Variants in RABGAP1L observed in about 807,000 individuals in gnomAD.
RABGAP1L encodes rab GTPase-activating protein 1-like.
Under a neutral mutation model 137.7 loss-of-function variants are expected in RABGAP1L, and 63 were observed. The observed-to-expected ratio is 0.46, with a 90% CI of 0.37 to 0.56. The LOEUF (loss-of-function observed/expected upper bound fraction) is 0.56, where lower values mean the gene tolerates loss of function less well. Ranked by LOEUF, RABGAP1L falls within the 20% of genes least tolerant of loss-of-function variation. RABGAP1L has a pLI of 0.00. For synonymous variants in RABGAP1L, 431 were observed against 433.7 expected (o/e 0.99, Z 0.08); for missense variants, 1,095 against 1,244.0 (o/e 0.88, Z 1.80).
At chr1:174,181,206 G>A (rs547744460) in intron 1 of RABGAP1L, among the ~76,000 whole-genome samples, 2 of 152,058 alleles carry the variant, frequency 1.3e-5, no homozygotes, top group Non-Finnish European at 2.9e-5. Flanking sequence ...AGGTCTTGCT[G>A]TATTGTCCAG....
intron 13 of RABGAP1L, among the ~76,000 whole-genome samples, chr1:174,559,074 AT>A (rs1299547842): frequency 6.6e-6 from 1 of 152,234 alleles, no homozygotes; most frequent in African/African-American, 2.4e-5. Flanking sequence ...GAAAAGGGGC[AT>A]CTAGTCAGTC....
intron 13 of RABGAP1L, among the ~76,000 whole-genome samples, chr1:174,438,400 T>G (rs1653684051): frequency 6.6e-6 from 1 of 152,072 alleles, no homozygotes; most frequent in Non-Finnish European, 1.5e-5. Context: ...ATTGACGTTC[T>G]TAACAATATT....
intron 13 of RABGAP1L, among the ~76,000 whole-genome samples, chr1:174,507,788 T>C (rs1447895401): frequency 6.6e-6 from 1 of 152,122 alleles, no homozygotes; most frequent in Non-Finnish European, 1.5e-5. Flanking sequence ...GATAATAAAA[T>C]ATTGCTGAAT....
intron 11 of RABGAP1L, among the ~76,000 whole-genome samples, chr1:174,361,282 A>T (rs1364203549): frequency 6.8e-6 from 1 of 147,962 alleles, no homozygotes; most frequent in Non-Finnish European, 1.5e-5. Flanking sequence ...TTGTGATTTC[A>T]TATAAATTTT....
chr1:174,596,862 T>C (rs1181436281), intron 13 of RABGAP1L, among the ~76,000 whole-genome samples: 3 of 152,178 alleles, frequency 2.0e-5, no homozygotes, highest in Admixed American at 2.0e-4. Flanking sequence ...ATGGCTTTTA[T>C]TGTGTGTTGA....
At chr1:174,530,729 A>G (rs1028012210) in intron 13 of RABGAP1L, among the ~76,000 whole-genome samples, 8 of 152,066 alleles carry the variant, frequency 5.3e-5, no homozygotes, top group African/African-American at 1.9e-4. Context: ...ATGGTTATTC[A>G]CTCACTATTT....
At chr1:174,964,969 C>T in intron 20 of RABGAP1L, 1 of 1,499,270 alleles carries the variant, frequency 6.7e-7, no homozygotes, top group Middle Eastern at 1.7e-4. Context: ...AGTAGTTGGT[C>T]TATGACTTTT....
intron 11 of RABGAP1L, among the ~76,000 whole-genome samples, chr1:174,362,644 T>C (rs566996854): frequency 1.3e-5 from 2 of 152,320 alleles, no homozygotes; most frequent in Admixed American, 1.3e-4. Context: ...TCTTGTAAAT[T>C]TATTTAAGTT....
intron 1 of RABGAP1L, among the ~76,000 whole-genome samples, chr1:174,208,302 A>G (rs750346644): frequency 1.1e-4 from 16 of 151,676 alleles, no homozygotes; most frequent in Non-Finnish European, 1.8e-4. Context: ...GGTTTTCCAC[A>G]TTGACAATCA....
intron 17 of RABGAP1L, among the ~76,000 whole-genome samples, chr1:174,741,880 A>AAAAG (rs1683441279): frequency 7.2e-6 from 1 of 138,350 alleles, no homozygotes; most frequent in African/African-American, 2.6e-5. Context: ...AAAAAAAAAA[A>AAAAG]GTAGAAAAAT....
chr1:174,272,442 C>A lies in RABGAP1L; in HGVS notation c.1015C>A (p.Arg339=). 6.2e-7 allele frequency: 1 copy of A among 1,601,608 alleles called. No individual in the cohort carries two copies. Among genetic ancestry groups the A allele is most frequent in the Non-Finnish European group, 8.5e-7 (1 of 1,175,342 alleles). The change falls in exon 8 of 26, where the codon CGA becomes AGA. Residue 339 remains arginine (R), a synonymous_variant. Coordinates refer to ENST00000681986, the MANE Select transcript of RABGAP1L (RefSeq NM_001366446.1). The part of the protein sequence containing the change: ...RCFGMLLSPG[R]NVKNSDMHLL... ...TTTTGGAATGTTATTAAGCCCAGGT[C>A]GAAACGTGAAGAACAGTGACATGCA...
chr1:174,776,704 A>G (rs1686556744), intron 18 of RABGAP1L, among the ~76,000 whole-genome samples: 1 of 151,978 alleles, frequency 6.6e-6, no homozygotes, highest in Admixed American at 6.6e-5. Flanking sequence ...TTTTCCCTCC[A>G]TTTTAATGGT....
chr1:174,317,737 G>A (rs1016300895), intron 11 of RABGAP1L, among the ~76,000 whole-genome samples: 2 of 152,150 alleles, frequency 1.3e-5, no homozygotes, highest in Non-Finnish European at 2.9e-5. Context: ...AGTCCTTATG[G>A]TCTAGACTGC....
In RABGAP1L at chr1:174,176,729, A is replaced by T. The variant is rs1360942286; in HGVS notation, c.-34+17072A>T. On this transcript the variant is annotated intron_variant, in intron 1 of 25. Coordinates refer to ENST00000681986, the MANE Select transcript of RABGAP1L (RefSeq NM_001366446.1). Reference sequence around the variant, plus strand: ...CCTTTTTCAGAAAAAAAAAAAAAAAAAAAAAAAAAAAAAAAAAGGTCAACA... The same window carrying T: ...CCTTTTTCAGAAAAAAAAAAAAAAATAAAAAAAAAAAAAAAAAGGTCAACA... Among the ~76,000 whole-genome samples, 8 of 142,428 alleles carry T rather than the reference A, an allele frequency of 5.6e-5. 1 individual carries two copies. Among genetic ancestry groups the T allele is most frequent in the Middle Eastern group, 3.6e-3 (1 of 280 alleles). The allele number at this position is 142,428 out of a possible 152,430, so 93.4% of individuals were successfully genotyped here.
intron 19 of RABGAP1L, among the ~76,000 whole-genome samples, chr1:174,853,753 A>C (rs1558151748): frequency 6.6e-6 from 1 of 152,066 alleles, no homozygotes; most frequent in Non-Finnish European, 1.5e-5. Context: ...CAAAAAAAAC[A>C]AAAAGGCTAG....
In RABGAP1L at chr1:174,907,237, G is replaced by C. The variant is rs1487060209; in HGVS notation, c.2341-50220G>C. ...ATCAGACAACTGAAAGTCAAAAGGGGGAGGCAGAGTAGAATTTTGTCATGT... is the reference window on the plus strand; with the variant it reads ...ATCAGACAACTGAAAGTCAAAAGGGCGAGGCAGAGTAGAATTTTGTCATGT... On this transcript the variant is annotated intron_variant, in intron 19 of 25. Coordinates refer to ENST00000681986, the MANE Select transcript of RABGAP1L (RefSeq NM_001366446.1). 2.0e-5 allele frequency among the ~76,000 whole-genome samples: 3 copies of C among 152,090 alleles called. No homozygotes were observed. The East Asian group carries it at 5.8e-4, about 29-fold the overall frequency.
At chr1:174,552,592 A>G (rs988489527) in intron 13 of RABGAP1L, among the ~76,000 whole-genome samples, 7 of 152,136 alleles carry the variant, frequency 4.6e-5, no homozygotes. Flanking sequence ...CCTATACACC[A>G]TGAAATACCA....
intron 19 of RABGAP1L, among the ~76,000 whole-genome samples, chr1:174,920,644 G>T (rs952169561): frequency 6.6e-6 from 1 of 152,160 alleles, no homozygotes; most frequent in Non-Finnish European, 1.5e-5. Flanking sequence ...ATATTTAGAG[G>T]TAGGGTCTTT....
At chr1:174,492,712 T>A (rs1660376613) in intron 13 of RABGAP1L, among the ~76,000 whole-genome samples, 1 of 152,102 alleles carries the variant, frequency 6.6e-6, no homozygotes, top group Non-Finnish European at 1.5e-5. Flanking sequence ...AACTGTACTG[T>A]CCCTATTCCT....
Sources: gnomAD v4.1 joint callset for allele counts (sites outside exome capture counted in the v4.1 genomes callset) on GRCh38, gnomAD v4.1.1 for gene constraint, MANE v1.5 for transcripts, NCBI Gene and HGNC (gene_info 2026-07-23, HGNC 2026-07-21) for gene names.